Variants in CNTN1 observed in about 807,000 individuals in gnomAD.
CNTN1 encodes contactin-1.
Under a neutral mutation model 126.4 loss-of-function variants are expected in CNTN1, and 38 were observed. The ratio of observed to expected loss-of-function variants is 0.30; its 90% CI spans 0.23 to 0.39. The LOEUF is 0.39. CNTN1 is among the 10% of genes least tolerant of loss of function. CNTN1 has a pLI of 1.00. For missense variants in CNTN1, 1,009 were observed against 1,248.4 expected, an observed-to-expected ratio of 0.81 and a Z score of 2.89; for synonymous variants, 413 against 422.6, an observed-to-expected ratio of 0.98 and a Z score of 0.28.
chr12:41,018,295 T>C (rs1948827553), intron 19 of CNTN1, among the ~76,000 whole-genome samples: 2 of 152,172 alleles, frequency 1.3e-5, no homozygotes, highest in South Asian at 4.1e-4. Context: ...GAGGTACTCT[T>C]CTATCATTAG....
intron 1 of CNTN1, among the ~76,000 whole-genome samples, chr12:40,702,448 T>C (rs1377245964): frequency 6.6e-6 from 1 of 152,214 alleles, no homozygotes; most frequent in Admixed American, 6.5e-5. Flanking sequence ...ACATTCTTTT[T>C]CTTTTTTCTC....
At chr12:40,773,080 T>C (rs939420234) in intron 1 of CNTN1, among the ~76,000 whole-genome samples, 6 of 151,892 alleles carry the variant, frequency 4.0e-5, no homozygotes, top group Non-Finnish European at 7.4e-5. Flanking sequence ...TTGGTTGATA[T>C]ATTAGTTCTT....
intron 1 of CNTN1, among the ~76,000 whole-genome samples, chr12:40,891,351 A>G (rs983475492): frequency 4.6e-5 from 7 of 151,992 alleles, no homozygotes; most frequent in African/African-American, 7.2e-5. Context: ...GCAGAGCAGG[A>G]ATTTTAAATT....
At chr12:41,039,396 A>T (rs1949343733) in intron 23 of CNTN1, among the ~76,000 whole-genome samples, 1 of 152,178 alleles carries the variant, frequency 6.6e-6, no homozygotes, top group African/African-American at 2.4e-5. Context: ...TGATGATTTT[A>T]TGAGGTATGT....
intron 1 of CNTN1, among the ~76,000 whole-genome samples, chr12:40,738,255 A>C (rs191914271): frequency 6.6e-6 from 1 of 152,062 alleles, no homozygotes. Context: ...CATTATATGG[A>C]TACACCAACT....
chr12:40,875,977 A>G lies in CNTN1; in HGVS notation c.-76-32380A>G, dbSNP rs553567773. Among the ~76,000 whole-genome samples, 38 of 152,182 alleles carry G rather than the reference A, an allele frequency of 2.5e-4. No homozygotes were observed. In the South Asian group the frequency reaches 7.7e-3, roughly 31 times the overall value. On this transcript the variant is annotated intron_variant, in intron 1 of 23. Transcript: ENST00000551295. ...AACACCTCTCTCTTTGATCACACTT[A>G]AAGGTCAAAAAGTCAGTGTCTATCT...
At chr12:40,878,123 G>A (rs754924103) in intron 1 of CNTN1, among the ~76,000 whole-genome samples, 2 of 146,904 alleles carry the variant, frequency 1.4e-5, no homozygotes, top group African/African-American at 2.5e-5. Flanking sequence ...TCAGCCTCCC[G>A]AGTAGCTGGG....
intron 1 of CNTN1, among the ~76,000 whole-genome samples, chr12:40,814,310 T>C (rs1390938658): frequency 6.6e-6 from 1 of 152,246 alleles, no homozygotes; most frequent in Non-Finnish European, 1.5e-5. Context: ...GGTTTTCTTC[T>C]AGGGTTTTTA....
intron 23 of CNTN1, chr12:41,061,960 A>C (rs766425553): frequency 4.3e-6 from 1 of 231,254 alleles, no homozygotes; most frequent in Non-Finnish European, 8.9e-6. Context: ...AGGCAAAGGG[A>C]AATAAAATCA....
chr12:40,997,555 G>C (rs1340800818), intron 17 of CNTN1, among the ~76,000 whole-genome samples: 1 of 152,176 alleles, frequency 6.6e-6, no homozygotes, highest in East Asian at 1.9e-4. Flanking sequence ...GTTAGTTGCT[G>C]TCATTAATAC....
At position 41,007,647 on chromosome 12, in the gene CNTN1, T is replaced by C. The variant is rs1272730851; in HGVS notation, c.2114-6581T>C. ...TTGAGGAGGCGGTGCCTGATTTACA[T>C]AGGGCTCACAGATTGGTTTGATCAG... On this transcript the variant is annotated intron_variant, in intron 17 of 23. Transcript: ENST00000551295. Among the ~76,000 whole-genome samples the C allele has an allele frequency of 3.9e-5, 6 of 152,278 alleles. No homozygotes were observed. In the East Asian group the frequency reaches 5.8e-4, roughly 15 times the overall value.
intron 1 of CNTN1, among the ~76,000 whole-genome samples, chr12:40,725,566 AT>A (rs1487692741): frequency 6.6e-6 from 1 of 152,132 alleles, no homozygotes; most frequent in Admixed American, 6.6e-5. Flanking sequence ...CCTGGGAGCC[AT>A]CCCTTTGAAA....
intron 15 of CNTN1, among the ~76,000 whole-genome samples, chr12:40,962,027 C>T (rs148736439): frequency 8.5e-4 from 130 of 152,102 alleles, no homozygotes; most frequent in African/African-American, 3.0e-3. Context: ...ATGAGAAGGA[C>T]AGTAAACACA....
At chr12:41,018,427 T>C (rs1481038259) in intron 19 of CNTN1, among the ~76,000 whole-genome samples, 2 of 152,092 alleles carry the variant, frequency 1.3e-5, no homozygotes, top group African/African-American at 4.8e-5. Flanking sequence ...GAATTATTAG[T>C]TTTAGTATTT....
At chr12:41,060,104 A>G (rs556570133) in intron 23 of CNTN1, among the ~76,000 whole-genome samples, 1 of 152,338 alleles carries the variant, frequency 6.6e-6, no homozygotes, top group East Asian at 1.9e-4. Context: ...AAATAATTTT[A>G]AGGAAAATTG....
At chr12:40,806,748 A>G (rs919077550) in intron 1 of CNTN1, among the ~76,000 whole-genome samples, 3 of 152,088 alleles carry the variant, frequency 2.0e-5, no homozygotes, top group African/African-American at 4.8e-5. Flanking sequence ...AATCACACAC[A>G]TATTGTCCCT....
intron 19 of CNTN1, 71 bp downstream of exon 19, chr12:41,016,987 GT>G (rs1948795835): frequency 7.5e-7 from 1 of 1,339,336 alleles, no homozygotes; most frequent in Non-Finnish European, 1.1e-6. Flanking sequence ...CATTTAGTTT[GT>G]TTCCTTTCAG....
chr12:40,756,246 CT>C (rs897601337), intron 1 of CNTN1, among the ~76,000 whole-genome samples: 3 of 151,874 alleles, frequency 2.0e-5, no homozygotes, highest in Non-Finnish European at 2.9e-5. Flanking sequence ...GATTTTAGGT[CT>C]TGGTGTGGTA....
At position 41,023,940 on chromosome 12, in the gene CNTN1, G is replaced by T. The variant is rs117754732; in HGVS notation, c.2524-1210G>T. Among the ~76,000 whole-genome samples the T allele has an allele frequency of 6.6e-3, 1,005 of 152,246 alleles. 10 individuals carry two copies. Among genetic ancestry groups the T allele is most frequent in the Non-Finnish European group, 0.011 (716 of 68,006 alleles). ...GGCAGAGTGAACAGGAAAGAGGGGA[G>T]CTCAGATACAAACGTGCTATTTGTC... On this transcript the variant is annotated intron_variant, in intron 20 of 23. Coordinates refer to ENST00000551295, the MANE Select transcript of CNTN1 (RefSeq NM_001843.4).
Sources: allele counts gnomAD v4.1 joint callset (sites outside exome capture counted in the v4.1 genomes callset), GRCh38; gene constraint gnomAD v4.1.1; transcripts MANE v1.5; gene names NCBI Gene and HGNC (gene_info 2026-07-23, HGNC 2026-07-21).